The following SNX21 variants were observed in gnomAD, a reference collection of about 807,000 sequenced individuals.
The protein encoded by SNX21 is sorting nexin family member 21.
Under a neutral mutation model 30.9 loss-of-function variants are expected in SNX21, and 36 were observed. The observed-to-expected ratio is 1.16, with a 90% CI of 0.89 to 1.54. The LOEUF is 1.54. Ranked by LOEUF, SNX21 falls within the 40% of genes most tolerant of loss-of-function variation. The probability of loss-of-function intolerance (pLI) is 0.00; values close to 1 mark genes in which losing one functional copy is unlikely to be tolerated. For synonymous variants in SNX21, 218 were observed against 222.7 expected, an observed-to-expected ratio of 0.98 and a Z score of 0.19; for missense variants, 508 against 516.5, an observed-to-expected ratio of 0.98 and a Z score of 0.16.
At chr20:45,834,841 A>T in intron 2 of SNX21, 118 bp from the exon 3 acceptor site, 1 of 1,366,950 alleles carries the variant, frequency 7.3e-7, no homozygotes, top group Non-Finnish European at 1.0e-6. Context: ...CTCAGTTTCC[A>T]TTTCTGTAAA....
chr20:45,841,267 C>A lies in SNX21; in HGVS notation c.1076C>A (p.Pro359Gln). The A allele has an allele frequency of 6.3e-7, 1 of 1,594,156 alleles. No homozygotes were observed. The highest frequency in any genetic ancestry group is 1.8e-5 in the Admixed American group (1 of 55,002). The change falls in exon 4 of 4, where the codon CCA becomes CAA. Residue 359 changes from proline (P) to glutamine (Q), a missense_variant. Pro to Gln is a moderately conservative substitution (Grantham distance 76). Coordinates refer to ENST00000491381, the MANE Select transcript of SNX21 (RefSeq NM_033421.4). ...CAGGAGGCAGGCCTTACCCCCACAC[C>A]ACCCCCCAGTCTCAAAGAATTGCTC... ...ALQEAGLTPT[P>Q]PPSLKELLIK...
Position 45,842,792 on chromosome 20 carries a change from TATCA to T in SNX21, c.*1483_*1486del, listed in dbSNP as rs2145755976. The T allele has an allele frequency of 2.0e-6, 2 of 990,458 alleles. No individual in the cohort carries two copies. Among genetic ancestry groups the T allele is most frequent in the South Asian group, 9.2e-5 (2 of 21,758 alleles). 61.4% of individuals were successfully genotyped at this position (990,458 alleles called of 1,614,324 possible). A position where few individuals can be genotyped will look rare whatever the true frequency, so the allele number is the denominator to read the frequency against. On this transcript the variant is annotated 3_prime_UTR_variant, in exon 4 of 4. Transcript: ENST00000491381. The stretch of plus-strand genomic sequence containing the variant: ...TGAACCCATGTCCTCACTTCAAGGT[TATCA>T]ATCTTGGATTGTGATGCTATTGGTA...
chr20:45,840,887 C>T lies in SNX21; in HGVS notation c.696C>T (p.Ala232=), dbSNP rs771900758. The T allele has an allele frequency of 6.2e-7, 1 of 1,613,486 alleles. No homozygotes were observed. Among genetic ancestry groups the T allele is most frequent in the South Asian group, 1.1e-5 (1 of 91,086 alleles). ...AGGCAGTGCCTGAGCTGCGCCATGC[C>T]CCGGACCTGCAGGACTTCTTCGTGC... is the stretch of plus-strand genomic sequence containing the variant. ...HLQAVPELRH[A]PDLQDFFVLP... Residue 232 remains alanine, a synonymous_variant, in exon 4 of 4, where the codon GCC becomes GCT. Coordinates refer to ENST00000491381, the MANE Select transcript of SNX21 (RefSeq NM_033421.4).
In SNX21 at chr20:45,834,177, C is replaced by T. The variant is rs1601062293; in HGVS notation, c.22-24C>T. On this transcript the variant is annotated intron_variant, in intron 1 of 3. Coordinates refer to ENST00000491381, the MANE Select transcript of SNX21 (RefSeq NM_033421.4). ...GGTACCCCTCCTCCGGGATCCGGTA[C>T]ACAGCGTCGCGCGCTCCCCCCAGGG... 4 of 1,477,382 alleles carry T rather than the reference C, an allele frequency of 2.7e-6. No homozygotes were observed. In the African/African-American group the frequency reaches 4.2e-5, roughly 16 times the overall value. The allele number at this position is 1,477,382 out of a possible 1,614,324, so 91.5% of individuals were successfully genotyped here. A position where few individuals can be genotyped will look rare whatever the true frequency, so the allele number is the denominator to read the frequency against.
chr20:45,843,160 T>G lies in SNX21; in HGVS notation c.*1847T>G. The G allele has an allele frequency of 1.6e-6, 1 of 640,050 alleles. No individual in the cohort carries two copies. Among genetic ancestry groups the G allele is most frequent in the Non-Finnish European group, 2.3e-6 (1 of 438,780 alleles). 39.6% of individuals were successfully genotyped at this position (640,050 alleles called of 1,614,324 possible). The stretch of plus-strand genomic sequence containing the variant: ...AAGGCATCCCCAAATGGCAGTCTGA[T>G]GGACTGCGGGTTTGGATACCACTGC... On this transcript the variant is annotated 3_prime_UTR_variant, in exon 4 of 4. Coordinates refer to ENST00000491381, the MANE Select transcript of SNX21 (RefSeq NM_033421.4).
chr20:45,841,004 C>G lies in SNX21; in HGVS notation c.813C>G (p.Ala271=). The G allele has an allele frequency of 1.2e-6, 2 of 1,609,984 alleles. No homozygotes were observed. Among genetic ancestry groups the G allele is most frequent in the East Asian group, 2.2e-5 (1 of 44,848 alleles). ...GGGCCAATGCCTGGCAGCTGCAAGCCCAGCTGGGCACCCCCTCTGGCCCAG... is the reference window on the plus strand; with the variant it reads ...GGGCCAATGCCTGGCAGCTGCAAGCGCAGCTGGGCACCCCCTCTGGCCCAG... ...ALWANAWQLQ[A]QLGTPSGPDR... The change falls in exon 4 of 4, where the codon GCC becomes GCG. Residue 271 remains alanine (A), a synonymous_variant. Coordinates refer to ENST00000491381, the MANE Select transcript of SNX21 (RefSeq NM_033421.4).
rs1389158516 is a variant in SNX21 at position 45,842,669 on chromosome 20, CAGT to C, written c.*1359_*1361del. 1 of 989,572 alleles carries C rather than the reference CAGT, an allele frequency of 1.0e-6. No homozygotes were observed. Among genetic ancestry groups the C allele is most frequent in the African/African-American group, 1.7e-5 (1 of 57,244 alleles). The allele number at this position is 989,572 out of a possible 1,614,324, so 61.3% of individuals were successfully genotyped here. A position where few individuals can be genotyped will look rare whatever the true frequency, so the allele number is the denominator to read the frequency against. On this transcript the variant is annotated 3_prime_UTR_variant, in exon 4 of 4. Transcript: ENST00000491381. The stretch of plus-strand genomic sequence containing the variant: ...CATAGCAGAGCTCACTCAGTTCTCA[CAGT>C]AGCCAAATGAAGCAGTTATGTGTTG...
intron 2 of SNX21, 28 bp downstream of exon 2, chr20:45,834,496 C>T: frequency 1.9e-6 from 3 of 1,568,620 alleles, no homozygotes; most frequent in Non-Finnish European, 2.6e-6. Flanking sequence ...GAGGCGGGAA[C>T]CCTGGGGCTC....
In SNX21 at chr20:45,834,325, A is replaced by C. The variant is rs370062507; in HGVS notation, c.146A>C (p.Asp49Ala). The change falls in exon 2 of 4, where the codon GAC (aspartate) becomes GCC (alanine). Residue 49 changes from aspartate (D) to alanine (A), a missense_variant. Coordinates refer to ENST00000491381, the MANE Select transcript of SNX21 (RefSeq NM_033421.4). ...FPESSELEDD[D>A]AEGLSSRLSG... ...GAGAGCTCAGAGCTGGAGGACGACG[A>C]CGCCGAGGGCCTGTCCTCCCGACTC... The C allele has an allele frequency of 2.3e-5, 37 of 1,598,272 alleles. No homozygotes were observed. The highest frequency in any genetic ancestry group is 8.5e-5 in the Admixed American group (5 of 58,594).
At chr20:45,840,173 CT>C (rs748002760) in intron 3 of SNX21, 51 of 1,351,526 alleles carry the variant, frequency 3.8e-5, no homozygotes, top group Non-Finnish European at 4.9e-5. Flanking sequence ...GCAGTTGTGG[CT>C]ATCTACAGAC....
intron 3 of SNX21, 94 bp downstream of exon 3, chr20:45,835,210 T>C: frequency 8.2e-6 from 11 of 1,343,674 alleles, no homozygotes; most frequent in Non-Finnish European, 1.1e-5. Context: ...GTCTATGTAG[T>C]TATAAATGGT....
In SNX21 at chr20:45,835,043, C is replaced by A; in HGVS notation, c.374C>A (p.Thr125Asn). ...LQDFWKKSRN[T>N]LAPQRLLFEV... ...GATTTCTGGAAGAAGTCCCGGAACA[C>A]CTTGGCACCCCAGCGGCTGCTCTTC... The change falls in exon 3 of 4, where the codon ACC (threonine) becomes AAC (asparagine). Residue 125 changes from threonine (T) to asparagine (N), a missense_variant. Transcript: ENST00000491381. The A allele has an allele frequency of 6.2e-7, 1 of 1,614,232 alleles. No homozygotes were observed. Among genetic ancestry groups the A allele is most frequent in the Non-Finnish European group, 8.5e-7 (1 of 1,180,044 alleles).
intron 3 of SNX21, among the ~76,000 whole-genome samples, chr20:45,839,750 A>T (rs6073927): frequency 0.86 from 128,784 of 149,344 alleles, 55,553 homozygotes; most frequent in Middle Eastern, 0.88. Flanking sequence ...AAAAAAAAAA[A>T]TTTTTTTAAA....
chr20:45,835,607 G>A (rs1983463380), intron 3 of SNX21, among the ~76,000 whole-genome samples: 1 of 152,224 alleles, frequency 6.6e-6, no homozygotes, highest in Non-Finnish European at 1.5e-5. Context: ...TGGGGAAAAT[G>A]CAGAAGATTA....
At chr20:45,834,663 C>T in intron 2 of SNX21, 195 bp downstream of exon 2, 1 of 749,308 alleles carries the variant, frequency 1.3e-6, no homozygotes, top group Non-Finnish European at 2.1e-6. Flanking sequence ...TCCCTTGTGT[C>T]AAGTGGGAGA....
In SNX21 at chr20:45,834,816, G is replaced by C; in HGVS notation, c.290-143G>C. The C allele has an allele frequency of 2.7e-6, 3 of 1,112,224 alleles. No individual in the cohort carries two copies. In the South Asian group the frequency reaches 4.6e-5, roughly 17 times the overall value. The allele number at this position is 1,112,224 out of a possible 1,614,324, so 68.9% of individuals were successfully genotyped here. On this transcript the variant is annotated intron_variant, in intron 2 of 3. Transcript: ENST00000491381. ...TGCCAGGCACGGTGTTTGGCTCCTC[G>C]GTGCCTCTCTGTCCCTCAGTTTCCA... is the stretch of plus-strand genomic sequence containing the variant.
rs766057088 is a variant in SNX21, at chr20:45,843,026, A to C, written c.*1713A>C. On this transcript the variant is annotated 3_prime_UTR_variant, in exon 4 of 4. Transcript: ENST00000491381. ...AGGGACCACTGAATGCCCCGATCCC[A>C]ATCAGGTTAATCAGAATCACTTAGA... is the stretch of plus-strand genomic sequence containing the variant. 3.6e-6 allele frequency: 4 copies of C among 1,111,522 alleles called. No individual in the cohort carries two copies. The highest frequency in any genetic ancestry group is 4.4e-6 in the Non-Finnish European group (4 of 902,574). 68.9% of individuals were successfully genotyped at this position (1,111,522 alleles called of 1,614,324 possible). A position where few individuals can be genotyped will look rare whatever the true frequency, so the allele number is the denominator to read the frequency against.
chr20:45,839,272 C>T (rs559521047), intron 3 of SNX21, among the ~76,000 whole-genome samples: 13 of 152,164 alleles, frequency 8.5e-5, no homozygotes, highest in South Asian at 6.2e-4. Context: ...TCCCAGCACT[C>T]TGGGAGGCAA....
Position 45,840,742 on chromosome 20 carries a change from G to C in SNX21, c.551G>C (p.Arg184Pro). ...GAGCGGCTGCACCGAAACCTGCAGC[G>C]GCAATTCCGGGGCCCAATGGCTGCC... is the stretch of plus-strand genomic sequence containing the variant. Reference protein sequence around the residue: ...DFERLHRNLQRQFRGPMAAIS... With the variant: ...DFERLHRNLQPQFRGPMAAIS... The change falls in exon 4 of 4, where the codon CGG becomes CCG. Residue 184 changes from arginine (R) to proline (P), a missense_variant. Coordinates refer to ENST00000491381, the MANE Select transcript of SNX21 (RefSeq NM_033421.4). 1 of 1,614,144 alleles carries C rather than the reference G, an allele frequency of 6.2e-7. No homozygotes were observed. The highest frequency in any genetic ancestry group is 1.1e-5 in the South Asian group (1 of 91,080).
Sources: allele counts gnomAD v4.1 joint callset (sites outside exome capture counted in the v4.1 genomes callset), GRCh38; gene constraint gnomAD v4.1.1; transcripts MANE v1.5; gene names NCBI Gene and HGNC (gene_info 2026-07-23, HGNC 2026-07-21).